The following UXS1 variants were observed in gnomAD, a reference collection of about 807,000 sequenced individuals.
UXS1 encodes UDP-glucuronic acid decarboxylase 1.
In UXS1, 33 loss-of-function variants were observed where a neutral mutation model predicts 62.6. The ratio of observed to expected loss-of-function variants is 0.53; its 90% CI spans 0.40 to 0.70. UXS1 has a LOEUF of 0.70. UXS1 is among the 30% of genes least tolerant of loss of function. UXS1 has a pLI of 0.00. For synonymous variants in UXS1, 213 were observed against 206.8 expected (o/e 1.03, Z -0.26); for missense variants, 434 against 556.3 (o/e 0.78, Z 2.21).
chr2:106,172,277 G>A (rs1464434638), intron 1 of UXS1, among the ~76,000 whole-genome samples: 2 of 152,092 alleles, frequency 1.3e-5, no homozygotes, highest in African/African-American at 2.4e-5. Context: ...CCCCATTCCT[G>A]CAATAAAAGG....
chr2:106,173,974 A>G (rs1375795152), intron 1 of UXS1, among the ~76,000 whole-genome samples: 2 of 152,120 alleles, frequency 1.3e-5, no homozygotes, highest in African/African-American at 4.8e-5. Flanking sequence ...CCACCTATAT[A>G]TAATGCACCC....
intron 9 of UXS1, among the ~76,000 whole-genome samples, chr2:106,118,165 G>A (rs1474790425): frequency 2.6e-5 from 4 of 152,280 alleles, no homozygotes; most frequent in East Asian, 1.9e-4. Flanking sequence ...AGGACAGGAC[G>A]GGCCTCCTGG....
chr2:106,172,237 A>G (rs1002834775), intron 1 of UXS1, among the ~76,000 whole-genome samples: 6 of 152,168 alleles, frequency 3.9e-5, no homozygotes, highest in African/African-American at 1.4e-4. Flanking sequence ...GGCGGGGTGG[A>G]TCCACCTCAG....
At chr2:106,123,478 GA>G (rs555075103) in intron 8 of UXS1, among the ~76,000 whole-genome samples, 110 of 151,950 alleles carry the variant, frequency 7.2e-4, no homozygotes, top group African/African-American at 2.5e-3. Flanking sequence ...TGTATTTATT[GA>G]AAAAAAATGA....
chr2:106,116,000 T>TG (rs1159489661), intron 9 of UXS1, among the ~76,000 whole-genome samples: 1 of 152,190 alleles, frequency 6.6e-6, no homozygotes, highest in Non-Finnish European at 1.5e-5. Flanking sequence ...CGAACTAGGC[T>TG]GGAACAGTGT....
intron 7 of UXS1, among the ~76,000 whole-genome samples, chr2:106,126,907 G>C (rs556789140): frequency 1.3e-5 from 2 of 151,890 alleles, no homozygotes; most frequent in South Asian, 4.1e-4. Flanking sequence ...GCCTCTCCTC[G>C]CTCCCTCCCA....
At chr2:106,146,059 C>A (rs2104999777) in intron 5 of UXS1, among the ~76,000 whole-genome samples, 1 of 152,272 alleles carries the variant, frequency 6.6e-6, no homozygotes, top group Non-Finnish European at 1.5e-5. Context: ...AAAACCTAGA[C>A]CCCTGCAAAG....
At chr2:106,186,617 T>TA (rs1223492153) in intron 1 of UXS1, among the ~76,000 whole-genome samples, 83 of 152,288 alleles carry the variant, frequency 5.5e-4, no homozygotes, top group African/African-American at 1.9e-3. Context: ...ATGCAACATG[T>TA]AAATCTTGAC....
intron 1 of UXS1, among the ~76,000 whole-genome samples, chr2:106,174,834 C>T (rs976034211): frequency 6.6e-6 from 1 of 152,226 alleles, no homozygotes; most frequent in Admixed American, 6.5e-5. Flanking sequence ...CGGTGACTTG[C>T]TTGAGGACAC....
intron 10 of UXS1, among the ~76,000 whole-genome samples, chr2:106,111,249 G>T (rs1189828613): frequency 6.6e-6 from 1 of 152,198 alleles, no homozygotes; most frequent in African/African-American, 2.4e-5. Context: ...TGTGCTGGTG[G>T]ATCTGTGCAG....
intron 1 of UXS1, among the ~76,000 whole-genome samples, chr2:106,168,368 G>C (rs1040891647): frequency 6.6e-6 from 1 of 152,168 alleles, no homozygotes; most frequent in Non-Finnish European, 1.5e-5. Context: ...GAGGAGGTGT[G>C]AATAATCCAC....
chr2:106,143,073 T>C (rs1681250126), intron 6 of UXS1, among the ~76,000 whole-genome samples: 1 of 152,036 alleles, frequency 6.6e-6, no homozygotes, highest in African/African-American at 2.4e-5. Flanking sequence ...TCAGTGGTAC[T>C]GAAATTATAT....
At chr2:106,115,657 G>A (rs958296550) in intron 9 of UXS1, among the ~76,000 whole-genome samples, 3 of 152,142 alleles carry the variant, frequency 2.0e-5, no homozygotes, top group East Asian at 1.9e-4. Context: ...GGATGGCCTC[G>A]TCTCATCCTG....
chr2:106,143,430 AAAAAAAAAG>A (rs1212458134), intron 6 of UXS1, among the ~76,000 whole-genome samples: 20 of 145,332 alleles, frequency 1.4e-4, no homozygotes, highest in African/African-American at 3.2e-4. Context: ...AAAAAAAAAA[AAAAAAAAAG>A]GTATAATTTG....
At chr2:106,185,339 T>C (rs369708925) in intron 1 of UXS1, among the ~76,000 whole-genome samples, 1 of 152,206 alleles carries the variant, frequency 6.6e-6, no homozygotes, top group East Asian at 1.9e-4. Flanking sequence ...AAAATAAAGA[T>C]GCCCAAGTCT....
intron 1 of UXS1, among the ~76,000 whole-genome samples, chr2:106,179,115 T>C (rs1041010574): frequency 2.0e-5 from 3 of 152,136 alleles, no homozygotes; most frequent in African/African-American, 4.8e-5. Context: ...TCTCCCTCTG[T>C]GGCTCCATCA....
At chr2:106,114,218 G>A (rs956641935) in intron 9 of UXS1, among the ~76,000 whole-genome samples, 2 of 152,184 alleles carry the variant, frequency 1.3e-5, no homozygotes, top group African/African-American at 4.8e-5. Flanking sequence ...ATGAAAAAGG[G>A]TGAGAGGCAT....
chr2:106,100,935 C>T (rs1242276882), intron 12 of UXS1, 123 bp downstream of exon 12: 28 of 1,222,960 alleles, frequency 2.3e-5, no homozygotes, highest in Non-Finnish European at 3.2e-5. Context: ...ATTTAGCAAG[C>T]AACAAACACA....
intron 10 of UXS1, among the ~76,000 whole-genome samples, chr2:106,108,017 C>T (rs976283552): frequency 7.2e-5 from 11 of 152,242 alleles, no homozygotes; most frequent in African/African-American, 2.7e-4. Context: ...CATACCCCCA[C>T]AGACCTTGCT....
Sources: gnomAD v4.1 joint callset for allele counts (sites outside exome capture counted in the v4.1 genomes callset) on GRCh38, gnomAD v4.1.1 for gene constraint, MANE v1.5 for transcripts, NCBI Gene and HGNC (gene_info 2026-07-23, HGNC 2026-07-21) for gene names.